Variants in AGBL1 observed in about 807,000 individuals in gnomAD.
The protein encoded by AGBL1 is cytosolic carboxypeptidase 4.
In AGBL1, 130 loss-of-function variants were observed where a neutral mutation model predicts 118.9. That is an observed-to-expected ratio of 1.09 (90% confidence interval 0.95 to 1.26). The LOEUF is 1.26. AGBL1 is among the 50% of genes most tolerant of loss of function. The pLI, the probability that AGBL1 is intolerant of heterozygous loss-of-function variation, is 0.00. For missense variants in AGBL1, 1,584 were observed against 1,298.1 expected, an observed-to-expected ratio of 1.22 and a Z score of -3.38; for synonymous variants, 555 against 478.9, an observed-to-expected ratio of 1.16 and a Z score of -2.08.
At chr15:86,833,912 C>G (rs564806280) in intron 22 of AGBL1, among the ~76,000 whole-genome samples, 14 of 152,154 alleles carry the variant, frequency 9.2e-5, no homozygotes, top group African/African-American at 3.1e-4. Context: ...AACTCAGCCT[C>G]TTCCTAATTA....
intron 21 of AGBL1, among the ~76,000 whole-genome samples, chr15:86,646,725 C>T (rs2085285043): frequency 6.6e-6 from 1 of 152,134 alleles, no homozygotes. Flanking sequence ...TTCAATTTTG[C>T]CATTAGTCAG....
rs189887204 is a variant in AGBL1 at position 86,557,193 on chromosome 15, C to T, written c.2994+2656C>T. Among the ~76,000 whole-genome samples, 446 of 152,182 alleles carry T rather than the reference C, an allele frequency of 2.9e-3. 3 individuals are homozygous for T. Among genetic ancestry groups the T allele is most frequent in the African/African-American group, 9.8e-3 (407 of 41,534 alleles). On this transcript the variant is annotated intron_variant, in intron 21 of 22. Transcript: ENST00000614907. ...CCACCCACTGAGAGATTTACTTTAC[C>T]TATTAGGGATGGGCCCAAAGCTATT... is the stretch of plus-strand genomic sequence containing the variant.
At chr15:86,273,704 C>T (rs1466456034) in intron 15 of AGBL1, among the ~76,000 whole-genome samples, 1 of 152,146 alleles carries the variant, frequency 6.6e-6, no homozygotes, top group African/African-American at 2.4e-5. Context: ...TTCCTTGTCT[C>T]CAATATATCT....
At position 86,397,424 on chromosome 15, in the gene AGBL1, T is replaced by A. The variant is rs775041142; in HGVS notation, c.2433T>A (p.Ser811Arg). The A allele has an allele frequency of 1.9e-6, 3 of 1,613,096 alleles. No individual in the cohort carries two copies. The highest frequency in any genetic ancestry group is 2.5e-6 in the Non-Finnish European group (3 of 1,179,372). The stretch of plus-strand genomic sequence containing the variant: ...TTCATCCAGGAGAGAGCAATGCCAG[T>A]TGGGTGATGAAGGGTACCTTGGAGT... The part of the protein sequence containing the change: ...ARVHPGESNA[S>R]WVMKGTLEFL... The change falls in exon 18 of 23, where the codon AGT becomes AGA. Residue 811 changes from serine (S) to arginine (R), a missense_variant. Physicochemically the swap from Ser to Arg is moderately radical, Grantham distance 110. Transcript: ENST00000614907.
intron 21 of AGBL1, among the ~76,000 whole-genome samples, chr15:86,610,552 A>C (rs948180278): frequency 6.6e-6 from 1 of 152,126 alleles, no homozygotes; most frequent in Non-Finnish European, 1.5e-5. Context: ...CAGATAAACA[A>C]AGGAGTTCCC....
At chr15:86,260,939 G>C (rs1334130407) in intron 9 of AGBL1, among the ~76,000 whole-genome samples, 3 of 152,228 alleles carry the variant, frequency 2.0e-5, no homozygotes, top group Non-Finnish European at 4.4e-5. Flanking sequence ...CAACCTGGCT[G>C]AGTGCCTGGT....
rs1337393717 is a variant in AGBL1, at chr15:86,909,581, A to T, written c.*2287A>T. On this transcript the variant is annotated 3_prime_UTR_variant, in exon 23 of 23. Transcript: ENST00000614907. ...TCTTCATATTAAGACATGTATGTTT[A>T]TGTAACATATGCAAGAAATTTGAAG... is the stretch of plus-strand genomic sequence containing the variant. 6.6e-6 allele frequency: 1 copy of T among 152,246 alleles called. No individual in the cohort carries two copies. Among genetic ancestry groups the T allele is most frequent in the African/African-American group, 2.4e-5 (1 of 41,466 alleles). The allele number at this position is 152,246 out of a possible 1,614,324, so 9.4% of individuals were successfully genotyped here.
At chr15:86,435,953 C>T (rs1442811341) in intron 18 of AGBL1, among the ~76,000 whole-genome samples, 2 of 152,008 alleles carry the variant, frequency 1.3e-5, no homozygotes, top group African/African-American at 2.4e-5. Context: ...TTAACTAATC[C>T]TATATTAACT....
chr15:86,780,943 C>A (rs1035894093), intron 22 of AGBL1, among the ~76,000 whole-genome samples: 1 of 152,146 alleles, frequency 6.6e-6, no homozygotes, highest in African/African-American at 2.4e-5. Flanking sequence ...GCTAGGATTA[C>A]AGGCATGAGC....
chr15:86,260,477 G>T lies in AGBL1; in HGVS notation c.970-2301G>T, dbSNP rs1431466799. 2.6e-5 allele frequency among the ~76,000 whole-genome samples: 4 copies of T among 152,200 alleles called. No homozygotes were observed. The East Asian group carries it at 7.7e-4, about 29-fold the overall frequency. ...CAAGCATTAGATTCTGACAAACTCT[G>T]AAGAGGAGGGTGATAAACAGAGTGA... is the stretch of plus-strand genomic sequence containing the variant. On this transcript the variant is annotated intron_variant, in intron 9 of 22. Transcript: ENST00000614907.
chr15:86,407,817 G>C (rs1279984601), intron 18 of AGBL1, among the ~76,000 whole-genome samples: 2 of 152,134 alleles, frequency 1.3e-5, no homozygotes, highest in Non-Finnish European at 2.9e-5. Context: ...CTGGATTTAT[G>C]ATCGTGGGAC....
chr15:87,021,070 G>A (rs991902268), intron 24 of AGBL1, among the ~76,000 whole-genome samples: 31 of 152,214 alleles, frequency 2.0e-4, no homozygotes, highest in Admixed American at 5.9e-4. Context: ...GAGCAAAGCT[G>A]GAGGCATCAC....
Position 86,988,095 on chromosome 15 carries a change from A to C in AGBL1, c.3323+7A>C. On this transcript the variant is annotated splice_region_variant and intron_variant, in intron 24 of 24. Coordinates refer to the AGBL1 transcript ENST00000441037. ...TTCTTCTGCATGTCTCCCCGTGAGT[A>C]TGTCAGTTTCCTGATTGTACATTGC... is the stretch of plus-strand genomic sequence containing the variant. The C allele has an allele frequency of 1.9e-6, 3 of 1,613,162 alleles. 1 individual carries two copies. In the South Asian group the frequency reaches 3.3e-5, roughly 18 times the overall value.
intron 1 of AGBL1, chr15:86,116,773 C>T (rs924609370): frequency 2.0e-5 from 3 of 152,126 alleles, no homozygotes; most frequent in African/African-American, 7.2e-5. Context: ...AGACTGAATT[C>T]TATTGGGTTC....
intron 1 of AGBL1, among the ~76,000 whole-genome samples, chr15:86,110,828 A>C (rs1897335545): frequency 6.6e-6 from 1 of 152,228 alleles, no homozygotes; most frequent in South Asian, 2.1e-4. Context: ...CAGATGGGGA[A>C]GAGCCAGAGG....
chr15:86,168,751 T>C (rs374066747), intron 5 of AGBL1, among the ~76,000 whole-genome samples: 1 of 152,164 alleles, frequency 6.6e-6, no homozygotes, highest in Non-Finnish European at 1.5e-5. Context: ...CATATGAATG[T>C]CCATTTAATT....
chr15:86,860,953 G>T (rs762488037), intron 22 of AGBL1, among the ~76,000 whole-genome samples: 9 of 152,098 alleles, frequency 5.9e-5, no homozygotes, highest in African/African-American at 1.7e-4. Flanking sequence ...GCCCAGGCAG[G>T]GGGCAGCAGG....
At chr15:86,839,103 CAGAG>C (rs1188510865) in intron 22 of AGBL1, among the ~76,000 whole-genome samples, 1 of 151,890 alleles carries the variant, frequency 6.6e-6, no homozygotes, top group Non-Finnish European at 1.5e-5. Context: ...AGAATGCAAG[CAGAG>C]AGAGGAGAAA....
intron 22 of AGBL1, among the ~76,000 whole-genome samples, chr15:86,888,462 T>A (rs912789563): frequency 3.3e-5 from 5 of 152,162 alleles, no homozygotes; most frequent in African/African-American, 1.2e-4. Flanking sequence ...AAATTCACAC[T>A]GTCGATTCTT....
Sources: gnomAD v4.1 joint callset for allele counts (sites outside exome capture counted in the v4.1 genomes callset) on GRCh38, gnomAD v4.1.1 for gene constraint, MANE v1.5 for transcripts, NCBI Gene and HGNC (gene_info 2026-07-23, HGNC 2026-07-21) for gene names.